The following TCP11L1 variants were observed in gnomAD, a reference collection of about 807,000 sequenced individuals.
TCP11L1 encodes the protein T-complex protein 11-like protein 1.
A neutral mutation model predicts 48.9 loss-of-function variants in TCP11L1; 28 were observed. The ratio of observed to expected loss-of-function variants is 0.57; its 90% CI spans 0.42 to 0.78. The LOEUF (loss-of-function observed/expected upper bound fraction) is 0.78. TCP11L1 is among the 30% of genes least tolerant of loss of function. The probability of loss-of-function intolerance (pLI) is 0.00; values close to 1 mark genes in which losing one functional copy is unlikely to be tolerated. For synonymous variants in TCP11L1, 204 were observed against 231.9 expected, an observed-to-expected ratio of 0.88 and a Z score of 1.09; for missense variants, 505 against 613.4, an observed-to-expected ratio of 0.82 and a Z score of 1.87.
chr11:33,061,314 C>A (rs1018763607), intron 6 of TCP11L1, among the ~76,000 whole-genome samples: 2 of 152,190 alleles, frequency 1.3e-5, no homozygotes, highest in African/African-American at 4.8e-5. Context: ...GTAAATTTGC[C>A]TATATCAGGC....
At chr11:33,060,357 T>A (rs1318256796) in intron 6 of TCP11L1, among the ~76,000 whole-genome samples, 1 of 151,446 alleles carries the variant, frequency 6.6e-6, no homozygotes, top group Non-Finnish European at 1.5e-5. Flanking sequence ...AGCTGGGGGG[T>A]TACGGAGAAT....
chr11:33,047,387 G>A (rs996581348), intron 2 of TCP11L1, among the ~76,000 whole-genome samples: 1 of 152,174 alleles, frequency 6.6e-6, no homozygotes, highest in African/African-American at 2.4e-5. Context: ...ACTTAACAAT[G>A]TTTTCTCTAA....
intron 3 of TCP11L1, chr11:33,056,833 A>G (rs868637716): frequency 5.6e-5 from 19 of 339,748 alleles, no homozygotes; most frequent in South Asian, 3.5e-4. Context: ...GAACTTTCCA[A>G]TATTCTTATT....
intron 5 of TCP11L1, among the ~76,000 whole-genome samples, chr11:33,058,547 T>A (rs374328616): frequency 1.3e-4 from 18 of 143,686 alleles, no homozygotes; most frequent in African/African-American, 2.3e-4. Context: ...CTCATGGATT[T>A]AAAAAAAAAA....
intron 2 of TCP11L1, among the ~76,000 whole-genome samples, chr11:33,045,498 AGAGT>A (rs534570682): frequency 1.3e-5 from 2 of 151,764 alleles, no homozygotes; most frequent in South Asian, 4.2e-4. Context: ...CCTGGATGAC[AGAGT>A]GAGACAAGCC....
Position 33,065,878 on chromosome 11 carries a change from G to A in TCP11L1, c.1021G>A (p.Glu341Lys). 1 of 1,614,140 alleles carries A rather than the reference G, an allele frequency of 6.2e-7. No individual in the cohort carries two copies. Among genetic ancestry groups the A allele is most frequent in the Non-Finnish European group, 8.5e-7 (1 of 1,179,992 alleles). ...SRFHELQLQL[E>K]QLTILGAVLL... is the part of the protein sequence containing the mutation. The stretch of plus-strand genomic sequence containing the variant: ...CTTCCACGAGCTCCAGTTGCAGCTG[G>A]AACAACTGACCATCCTGGGGGCTGT... The change falls in exon 8 of 10, where the codon GAA becomes AAA. Residue 341 changes from glutamate (E) to lysine (K), a missense_variant. By Grantham distance (56) the Glu-to-Lys change is moderately conservative. Around this residue, in one of 3 missense-constraint regions of TCP11L1, gnomAD observed 335 missense variants for 413.3 expected, o/e 0.81. Transcript: ENST00000334274.
chr11:33,060,958 A>G (rs952595320), intron 6 of TCP11L1, among the ~76,000 whole-genome samples: 2 of 151,700 alleles, frequency 1.3e-5, no homozygotes, highest in African/African-American at 4.8e-5. Flanking sequence ...ATTTGTTACT[A>G]TTATTATTAT....
At position 33,061,742 on chromosome 11, in the gene TCP11L1, C is replaced by T. The variant is rs374732803; in HGVS notation, c.972+16C>T. The T allele has an allele frequency of 3.0e-5, 47 of 1,570,366 alleles. No individual in the cohort carries two copies. Among genetic ancestry groups the T allele is most frequent in the Non-Finnish European group, 3.9e-5 (45 of 1,155,206 alleles). On this transcript the variant is annotated intron_variant, in intron 7 of 9. Transcript: ENST00000334274. ...GTTCCCCGAAGTAGGTCTCCTGAGC[C>T]ATCTCACTACTCATATTTGTTTTTG...
At chr11:33,054,217 GTCT>G (rs1019953216) in intron 2 of TCP11L1, among the ~76,000 whole-genome samples, 8 of 150,612 alleles carry the variant, frequency 5.3e-5, no homozygotes, top group African/African-American at 1.5e-4. Flanking sequence ...TAAATCTGGT[GTCT>G]TCTTTTTTTT....
chr11:33,048,807 C>G (rs188147960), intron 2 of TCP11L1, among the ~76,000 whole-genome samples: 4 of 152,238 alleles, frequency 2.6e-5, no homozygotes, highest in African/African-American at 9.6e-5. Context: ...AACACTGACC[C>G]TGCAAGATTT....
chr11:33,050,234 C>T (rs562624683), intron 2 of TCP11L1, among the ~76,000 whole-genome samples: 2 of 152,324 alleles, frequency 1.3e-5, no homozygotes, highest in South Asian at 4.1e-4. Context: ...TCTCTTATGT[C>T]TACTTCTTTC....
At chr11:33,066,042 G>C in intron 8 of TCP11L1, 31 bp downstream of exon 8, 1 of 1,610,322 alleles carries the variant, frequency 6.2e-7, no homozygotes, top group Non-Finnish European at 8.5e-7. Flanking sequence ...TGGATGGGAC[G>C]CAGTGGATGT....
chr11:33,069,933 G>A (rs1009446840), intron 9 of TCP11L1, among the ~76,000 whole-genome samples: 4 of 152,084 alleles, frequency 2.6e-5, no homozygotes, highest in Non-Finnish European at 4.4e-5. Context: ...AACCTTCATA[G>A]GGAGGCAGGA....
rs372243260 is a variant in TCP11L1, at chr11:33,047,702, T to C, written c.163+3766T>C. Among the ~76,000 whole-genome samples, 69 of 152,366 alleles carry C rather than the reference T, an allele frequency of 4.5e-4. 1 individual carries two copies. The highest frequency in any genetic ancestry group is 1.6e-3 in the African/African-American group (67 of 41,578). On this transcript the variant is annotated intron_variant, in intron 2 of 9. Coordinates refer to ENST00000334274, the MANE Select transcript of TCP11L1 (RefSeq NM_018393.4). ...AGTCAAATATTTATTGAGTGCATACTGTATGTCAGGGATCCAGCAGTGAAC... is the reference window on the plus strand; with the variant it reads ...AGTCAAATATTTATTGAGTGCATACCGTATGTCAGGGATCCAGCAGTGAAC...
In TCP11L1 at chr11:33,042,168, T is replaced by TC. The variant is rs1249899870; in HGVS notation, c.-24-1582_-24-1581insC. Among the ~76,000 whole-genome samples, 4 of 152,304 alleles carry TC rather than the reference T, an allele frequency of 2.6e-5. No individual in the cohort carries two copies. The East Asian group carries it at 7.7e-4, about 29-fold the overall frequency. On this transcript the variant is annotated intron_variant, in intron 1 of 9. Transcript: ENST00000334274. ...TTTGTTTAGACAGAGTCTCAGTCTG[T>TC]TGCCCAGGCTGGAGTGCAGTGGTGC... is the stretch of plus-strand genomic sequence containing the variant.
chr11:33,068,958 C>A, intron 9 of TCP11L1, 99 bp downstream of exon 9: 1 of 1,433,980 alleles, frequency 7.0e-7, no homozygotes. Context: ...AGTTAAGGTG[C>A]TGATGGGTGA....
chr11:33,058,315 C>T (rs1018623855), intron 5 of TCP11L1, among the ~76,000 whole-genome samples, 176 bp downstream of exon 5: 1 of 151,836 alleles, frequency 6.6e-6, no homozygotes, highest in African/African-American at 2.4e-5. Flanking sequence ...TGTCGTGCCT[C>T]AGCCTCCTGA....
chr11:33,052,069 G>A (rs1008771554), intron 2 of TCP11L1, among the ~76,000 whole-genome samples: 2 of 152,030 alleles, frequency 1.3e-5, no homozygotes, highest in Non-Finnish European at 2.9e-5. Flanking sequence ...TACCCATAGA[G>A]GGGAATAAGA....
chr11:33,064,282 C>T (rs1423753406), intron 7 of TCP11L1, among the ~76,000 whole-genome samples: 2 of 152,218 alleles, frequency 1.3e-5, no homozygotes, highest in Non-Finnish European at 2.9e-5. Flanking sequence ...GCCACAAAGC[C>T]ATGTGAAGTC....
Sources: allele counts gnomAD v4.1 joint callset (sites outside exome capture counted in the v4.1 genomes callset), GRCh38; gene constraint gnomAD v4.1.1; regional missense constraint gnomAD v4.1.1; transcripts MANE v1.5; gene names NCBI Gene and HGNC (gene_info 2026-07-23, HGNC 2026-07-21).